Variants in DHCR24 observed in about 807,000 individuals in gnomAD.
The protein encoded by DHCR24 is 24-dehydrocholesterol reductase, also known as delta(24)-sterol reductase.
A neutral mutation model predicts 61.2 loss-of-function variants in DHCR24; 28 were observed. The ratio of observed to expected loss-of-function variants is 0.46; its 90% confidence interval spans 0.34 to 0.63. The LOEUF is 0.63. Among genes scored for constraint, DHCR24 ranks in the 20% least tolerant of loss-of-function variants. The pLI is 0.01. For missense variants in DHCR24, 538 were observed against 679.1 expected (o/e 0.79, Z 2.31); for synonymous variants, 261 against 275.9 (o/e 0.95, Z 0.54).
chr1:54,876,183 C>T (rs892598697), intron 2 of DHCR24, 136 bp from the exon 3 acceptor site: 2 of 708,474 alleles, frequency 2.8e-6, no homozygotes, highest in African/African-American at 1.8e-5. Context: ...TTTACAGGCT[C>T]TTTCTAGAAC....
chr1:54,862,614 A>C (rs556552961), intron 6 of DHCR24, among the ~76,000 whole-genome samples: 1 of 151,946 alleles, frequency 6.6e-6, no homozygotes, highest in East Asian at 1.9e-4. Flanking sequence ...ATCTCCCTCC[A>C]TGGCTTTAGA....
rs763368230 is a variant in DHCR24, at chr1:54,852,351, C to T, written c.1433G>A (p.Arg478Gln). 1.5e-5 allele frequency: 24 copies of T among 1,614,020 alleles called. No individual in the cohort carries two copies. The highest frequency in any genetic ancestry group is 1.1e-4 in the East Asian group (5 of 44,900). ...ATCAAACATCTCCCAGAACTCCTCCCGGTTCATGTAGCAGTCGGCATACAG... is the reference window on the plus strand; with the variant it reads ...ATCAAACATCTCCCAGAACTCCTCCTGGTTCATGTAGCAGTCGGCATACAG... The part of the protein sequence containing the change: ...QMLYADCYMN[R>Q]EEFWEMFDGS... The change falls in exon 9 of 9, where the codon CGG (arginine) becomes CAG (glutamine). Residue 478 changes from arginine (R) to glutamine (Q), a missense_variant. Transcript: ENST00000371269.
At chr1:54,875,394 A>C (rs1647021529) in intron 3 of DHCR24, among the ~76,000 whole-genome samples, 183 bp from the exon 4 acceptor site, 1 of 152,192 alleles carries the variant, frequency 6.6e-6, no homozygotes, top group Non-Finnish European at 1.5e-5. Flanking sequence ...GGAGGGGCTC[A>C]GATGGGAGCA....
intron 6 of DHCR24, among the ~76,000 whole-genome samples, chr1:54,859,234 A>G (rs1646923059): frequency 6.6e-6 from 1 of 152,132 alleles, no homozygotes; most frequent in Non-Finnish European, 1.5e-5. Context: ...GTGAGCTGGA[A>G]GCAGATCTTC....
rs1646970778 is a variant in DHCR24, at chr1:54,866,832, AATTAGTTTTG to A, written c.877-1396_877-1387del. Among the ~76,000 whole-genome samples, 4 of 152,214 alleles carry A rather than the reference AATTAGTTTTG, an allele frequency of 2.6e-5. No individual in the cohort carries two copies. In the South Asian group the frequency reaches 8.3e-4, roughly 32 times the overall value. On this transcript the variant is annotated intron_variant, in intron 5 of 8. Transcript: ENST00000371269. The stretch of plus-strand genomic sequence containing the variant: ...TGGGGCTAAAGAGCCTCTTTGCCCA[AATTAGTTTTG>A]GTGTGGATGGTATGGGGCAGCGCAA...
In DHCR24 at chr1:54,884,179, C is replaced by T. The variant is rs577838260; in HGVS notation, c.232-406G>A. Among the ~76,000 whole-genome samples the T allele has an allele frequency of 9.2e-5, 14 of 152,318 alleles. No homozygotes were observed. In the South Asian group the frequency reaches 1.2e-3, roughly 14 times the overall value. On this transcript the variant is annotated intron_variant, in intron 1 of 8. Transcript: ENST00000371269. Reference sequence around the variant, plus strand: ...TTCCTACAACAGTCCCAGGAAGTTACGATGACACCCTTTTTTCGAGGATAA... The same window carrying T: ...TTCCTACAACAGTCCCAGGAAGTTATGATGACACCCTTTTTTCGAGGATAA...
At chr1:54,869,913 G>A (rs1646988580) in intron 5 of DHCR24, among the ~76,000 whole-genome samples, 1 of 152,040 alleles carries the variant, frequency 6.6e-6, no homozygotes, top group African/African-American at 2.4e-5. Context: ...AAATTAGGCA[G>A]GCATGGTGGT....
In DHCR24 at chr1:54,855,191, G is replaced by A. The variant is rs925642194; in HGVS notation, c.1021-957C>T. ...AGATGGATCATGAGGTCAGGAGATC[G>A]AGACTATCCTGGCTAACACGGTGAA... is the stretch of plus-strand genomic sequence containing the variant. On this transcript the variant is annotated intron_variant, in intron 6 of 8. Coordinates refer to ENST00000371269, the MANE Select transcript of DHCR24 (RefSeq NM_014762.4). Among the ~76,000 whole-genome samples, 15 of 152,056 alleles carry A rather than the reference G, an allele frequency of 9.9e-5. 1 individual carries two copies. The highest frequency in any genetic ancestry group is 8.5e-4 in the Admixed American group (13 of 15,260).
rs1048963769 is a variant in DHCR24, at chr1:54,855,224, T to C, written c.1021-990A>G. On this transcript the variant is annotated intron_variant, in intron 6 of 8. Coordinates refer to ENST00000371269, the MANE Select transcript of DHCR24 (RefSeq NM_014762.4). ...CCTGGCTAACACGGTGAAACCCCGT[T>C]TCTACTAAAAATACAAAAAATTAGC... 1.4e-3 allele frequency among the ~76,000 whole-genome samples: 215 copies of C among 151,854 alleles called. 2 individuals carry two copies. Among genetic ancestry groups the C allele is most frequent in the African/African-American group, 5.0e-3 (208 of 41,386 alleles).
At chr1:54,867,653 C>G (rs1015792632) in intron 5 of DHCR24, among the ~76,000 whole-genome samples, 2 of 152,110 alleles carry the variant, frequency 1.3e-5, no homozygotes, top group Admixed American at 1.3e-4. Context: ...GGTGACTCCC[C>G]TTGGTCCCAT....
At chr1:54,866,436 C>T (rs1425390751) in intron 5 of DHCR24, among the ~76,000 whole-genome samples, 2 of 151,868 alleles carry the variant, frequency 1.3e-5, no homozygotes, top group African/African-American at 4.8e-5. Context: ...GCAAGCTCCA[C>T]CTCCCTGGTT....
chr1:54,855,010 C>T (rs1423719606), intron 6 of DHCR24, among the ~76,000 whole-genome samples: 1 of 152,168 alleles, frequency 6.6e-6, no homozygotes, highest in Admixed American at 6.5e-5. Flanking sequence ...CTGCTTGAGT[C>T]CTACCATGTT....
At position 54,883,827 on chromosome 1, in the gene DHCR24, C is replaced by A. The variant is rs1004491331; in HGVS notation, c.232-54G>T. On this transcript the variant is annotated intron_variant, in intron 1 of 8. Coordinates refer to ENST00000371269, the MANE Select transcript of DHCR24 (RefSeq NM_014762.4). The surrounding 1 kb of genome is among the most constrained non-coding windows in gnomAD (Gnocchi z 4.3). ...GCCCCACTGGGAATCCCCAGAGCAGCCTGCAGCCCTGCTTTCTTCAAGGGC... is the reference window on the plus strand; with the variant it reads ...GCCCCACTGGGAATCCCCAGAGCAGACTGCAGCCCTGCTTTCTTCAAGGGC... The A allele has an allele frequency of 2.5e-6, 4 of 1,610,534 alleles. No homozygotes were observed. Among genetic ancestry groups the A allele is most frequent in the Non-Finnish European group, 2.5e-6 (3 of 1,178,960 alleles).
At chr1:54,853,708 C>A in intron 7 of DHCR24, 96 bp from the exon 8 acceptor site, 1 of 1,399,542 alleles carries the variant, frequency 7.1e-7, no homozygotes, top group Non-Finnish European at 9.8e-7. Flanking sequence ...GAAGGCTTTG[C>A]AGCATTCTCA....
chr1:54,853,784 T>C (rs1646891482), intron 7 of DHCR24, among the ~76,000 whole-genome samples, 172 bp from the exon 8 acceptor site: 1 of 151,858 alleles, frequency 6.6e-6, no homozygotes, highest in Non-Finnish European at 1.5e-5. Context: ...ACACCCTGAC[T>C]CCACCACCTT....
At chr1:54,859,241 C>A (rs1646923178) in intron 6 of DHCR24, among the ~76,000 whole-genome samples, 1 of 152,094 alleles carries the variant, frequency 6.6e-6, no homozygotes. Flanking sequence ...GGAAGCAGAT[C>A]TTCCAGCCCC....
At chr1:54,863,065 A>G (rs969143975) in intron 6 of DHCR24, among the ~76,000 whole-genome samples, 4 of 120,614 alleles carry the variant, frequency 3.3e-5, no homozygotes, top group African/African-American at 1.3e-4. Context: ...ACAGAGCAAG[A>G]CTCTGCCTCA....
chr1:54,860,076 C>T (rs1646927450), intron 6 of DHCR24, among the ~76,000 whole-genome samples: 1 of 151,162 alleles, frequency 6.6e-6, no homozygotes, highest in Admixed American at 6.6e-5. Flanking sequence ...CACCCCTACA[C>T]TCCTCCACCC....
In DHCR24 at chr1:54,850,618, A is replaced by G. The variant is rs1394156658; in HGVS notation, c.*1615T>C. 1 of 152,232 alleles carries G rather than the reference A, an allele frequency of 6.6e-6. No homozygotes were observed. Among genetic ancestry groups the G allele is most frequent in the Non-Finnish European group, 1.5e-5 (1 of 68,038 alleles). 9.4% of individuals were successfully genotyped at this position (152,232 alleles called of 1,614,324 possible). A position where few individuals can be genotyped will look rare whatever the true frequency, so the allele number is the denominator to read the frequency against. ...ACAGATGCTTCCCTGCAAGCCAGGT[A>G]TGAGCCTTTCTGGAAATGAGATGGG... is the stretch of plus-strand genomic sequence containing the variant. On this transcript the variant is annotated 3_prime_UTR_variant, in exon 9 of 9. Coordinates refer to ENST00000371269, the MANE Select transcript of DHCR24 (RefSeq NM_014762.4).
Sources: gnomAD v4.1 joint callset for allele counts (sites outside exome capture counted in the v4.1 genomes callset) on GRCh38, gnomAD v4.1.1 for gene constraint, Gnocchi (gnomAD v3.1) non-coding constraint, MANE v1.5 for transcripts, NCBI Gene and HGNC (gene_info 2026-07-23, HGNC 2026-07-21) for gene names.